The following CEP112 variants were observed in gnomAD, a reference collection of about 807,000 sequenced individuals.
CEP112 encodes centrosomal protein 112, also known as centrosomal protein of 112 kDa.
In CEP112, 127 loss-of-function variants were observed where a neutral mutation model predicts 153.0. The observed-to-expected ratio is 0.83, with a 90% CI of 0.72 to 0.96. The LOEUF is 0.96. CEP112 is among the 40% of genes least tolerant of loss of function. CEP112 has a pLI of 0.00. For missense variants in CEP112, 1,089 were observed against 1,101.2 expected (o/e 0.99, Z 0.16); for synonymous variants, 358 against 374.4 (o/e 0.96, Z 0.51).
intron 24 of CEP112, among the ~76,000 whole-genome samples, chr17:65,653,502 C>T (rs767974519): frequency 6.6e-6 from 1 of 151,990 alleles, no homozygotes; most frequent in African/African-American, 2.4e-5. Context: ...TGGAGCATGG[C>T]GTGTACTCTG....
In CEP112 at chr17:65,927,700, T is replaced by A. The variant is rs1876656198; in HGVS notation, c.1873-11A>T. On this transcript the variant is annotated splice_polypyrimidine_tract_variant and intron_variant, in intron 18 of 26. Transcript: ENST00000535342. ...CTCCACTTTTTCCATCTATAAAATT[T>A]AAAAATCAAATATTAATTTTTTAAA... 6.7e-7 allele frequency: 1 copy of A among 1,482,284 alleles called. No individual in the cohort carries two copies. The highest frequency in any genetic ancestry group is 9.1e-7 in the Non-Finnish European group (1 of 1,101,230). 91.8% of individuals were successfully genotyped at this position (1,482,284 alleles called of 1,614,324 possible).
intron 24 of CEP112, among the ~76,000 whole-genome samples, chr17:65,654,320 T>C (rs2045949553): frequency 1.3e-5 from 2 of 152,192 alleles, no homozygotes; most frequent in Admixed American, 1.3e-4. Flanking sequence ...TTCTTAACAA[T>C]CTTAAAAATA....
intron 23 of CEP112, among the ~76,000 whole-genome samples, chr17:65,717,505 T>C (rs1313375567): frequency 6.6e-6 from 1 of 152,202 alleles, no homozygotes; most frequent in Non-Finnish European, 1.5e-5. Flanking sequence ...TTTCTTTTGG[T>C]TGGTTTTTCC....
chr17:66,162,792 G>C (rs117498451), intron 4 of CEP112, among the ~76,000 whole-genome samples: 5,186 of 152,176 alleles, frequency 0.034, 131 homozygotes, highest in Middle Eastern at 0.061. Context: ...TGGGGAGGTA[G>C]CTATATTCTC....
At position 65,920,362 on chromosome 17, in the gene CEP112, A is replaced by AATATATATATATATATAT. The variant is rs55934550; in HGVS notation, c.1980+7202_1980+7219dup. Among the ~76,000 whole-genome samples the AATATATATATATATATAT allele has an allele frequency of 3.2e-3, 135 of 42,706 alleles. 1 individual carries two copies. The highest frequency in any genetic ancestry group is 4.7e-3 in the African/African-American group (54 of 11,562). 28.0% of individuals were successfully genotyped at this position (42,706 alleles called of 152,430 possible). On this transcript the variant is annotated intron_variant, in intron 19 of 26. Coordinates refer to ENST00000535342, the MANE Select transcript of CEP112 (RefSeq NM_001199165.4). ...ACTCTGTCTAAAAACAAACAAACAA[A>AATATATATATATATATAT]ATATATATATATATATATATATATA...
At chr17:66,007,149 G>C (rs556882682) in intron 16 of CEP112, among the ~76,000 whole-genome samples, 1 of 152,224 alleles carries the variant, frequency 6.6e-6, no homozygotes, top group Non-Finnish European at 1.5e-5. Context: ...AGTGAGGGTA[G>C]ACAGGACATT....
intron 21 of CEP112, among the ~76,000 whole-genome samples, chr17:65,834,893 A>G (rs1289314689): frequency 6.6e-6 from 1 of 152,226 alleles, no homozygotes. Flanking sequence ...AGACACATGT[A>G]CATGAATATT....
At chr17:66,176,766 G>T in intron 3 of CEP112, 64 bp downstream of exon 3, 4 of 1,249,688 alleles carry the variant, frequency 3.2e-6, no homozygotes, top group Middle Eastern at 2.0e-4. Context: ...TCCCCAAAGG[G>T]ATGATAACTT....
At chr17:65,978,113 C>T (rs2063102518) in intron 17 of CEP112, among the ~76,000 whole-genome samples, 2 of 151,688 alleles carry the variant, frequency 1.3e-5, no homozygotes, top group African/African-American at 2.4e-5. Flanking sequence ...AATAATTAGC[C>T]AGGCATGGTG....
intron 4 of CEP112, among the ~76,000 whole-genome samples, chr17:66,164,792 T>G (rs899191913): frequency 2.0e-5 from 3 of 150,096 alleles, no homozygotes; most frequent in Non-Finnish European, 4.4e-5. Context: ...AAGGCAGAGG[T>G]TGTGGTGAGC....
At chr17:65,928,240 C>G (rs2060999713) in intron 18 of CEP112, among the ~76,000 whole-genome samples, 1 of 152,076 alleles carries the variant, frequency 6.6e-6, no homozygotes, top group South Asian at 2.1e-4. Context: ...CACTTCATGC[C>G]CCAAAGAATA....
chr17:65,821,216 T>G (rs909799290), intron 21 of CEP112, among the ~76,000 whole-genome samples: 3 of 151,868 alleles, frequency 2.0e-5, no homozygotes, highest in Non-Finnish European at 2.9e-5. Flanking sequence ...TTACTGAAAT[T>G]GATTAGTGTA....
intron 17 of CEP112, among the ~76,000 whole-genome samples, chr17:65,995,600 G>A (rs181974199): frequency 2.7e-4 from 41 of 152,242 alleles, no homozygotes; most frequent in African/African-American, 9.6e-4. Context: ...TTCAGTCCTC[G>A]GAGCATTCTG....
intron 24 of CEP112, among the ~76,000 whole-genome samples, chr17:65,671,944 C>T (rs1363239608): frequency 6.6e-6 from 1 of 152,132 alleles, no homozygotes; most frequent in Non-Finnish European, 1.5e-5. Context: ...GAGGCCTCAC[C>T]TGTGCAATAT....
At chr17:66,038,420 T>C (rs1367236797) in intron 12 of CEP112, among the ~76,000 whole-genome samples, 1 of 152,198 alleles carries the variant, frequency 6.6e-6, no homozygotes, top group African/African-American at 2.4e-5. Flanking sequence ...ACAAAGTACA[T>C]AAATTTTGAA....
At chr17:66,062,829 T>C (rs140570073) in intron 11 of CEP112, 134 bp downstream of exon 11, 76 of 455,358 alleles carry the variant, frequency 1.7e-4, no homozygotes, top group African/African-American at 1.5e-3. Context: ...AGTAGCTATT[T>C]CTAAACAGCC....
chr17:66,019,897 T>G (rs529360275), intron 16 of CEP112, among the ~76,000 whole-genome samples: 2 of 152,296 alleles, frequency 1.3e-5, no homozygotes, highest in South Asian at 2.1e-4. Flanking sequence ...AGCAGAAACC[T>G]TAGTTTACTT....
intron 12 of CEP112, among the ~76,000 whole-genome samples, chr17:66,034,862 CA>C (rs2065646009): frequency 6.7e-6 from 1 of 150,340 alleles, no homozygotes; most frequent in Non-Finnish European, 1.5e-5. Flanking sequence ...GGCTGGAGTG[CA>C]GTGGCGCAAT....
chr17:65,826,363 C>T lies in CEP112; in HGVS notation c.2394+25441G>A, dbSNP rs550402513. On this transcript the variant is annotated intron_variant, in intron 21 of 26. Transcript: ENST00000535342. Reference sequence around the variant, plus strand: ...AGAGCCCTCAGTGCAGGCTGTAGGGCAGGCAGAACTTCTAACAAGAAGCCA... The same window carrying T: ...AGAGCCCTCAGTGCAGGCTGTAGGGTAGGCAGAACTTCTAACAAGAAGCCA... The T allele has an allele frequency of 2.8e-5, 44 of 1,594,194 alleles. No individual in the cohort carries two copies. In the East Asian group the frequency reaches 8.9e-4, roughly 32 times the overall value.
Sources: gnomAD v4.1 joint callset for allele counts (sites outside exome capture counted in the v4.1 genomes callset) on GRCh38, gnomAD v4.1.1 for gene constraint, MANE v1.5 for transcripts, NCBI Gene and HGNC (gene_info 2026-07-23, HGNC 2026-07-21) for gene names.